Variants in CLIC5 observed in about 807,000 individuals in gnomAD.
CLIC5 encodes CLIC family member 5, also known as chloride intracellular channel protein 5.
A neutral mutation model predicts 24.7 loss-of-function variants in CLIC5; 20 were observed. That is an observed-to-expected ratio of 0.81 (90% confidence interval 0.57 to 1.18). The LOEUF (loss-of-function observed/expected upper bound fraction) is 1.18. CLIC5 is among the 50% of genes most tolerant of loss of function. The pLI is 0.00. For synonymous variants in CLIC5, 159 were observed against 135.6 expected (o/e 1.17, Z -1.20); for missense variants, 341 against 326.1 (o/e 1.05, Z -0.35).
intron 1 of CLIC5, among the ~76,000 whole-genome samples, chr6:46,078,540 T>C (rs1339462198): frequency 2.0e-5 from 3 of 152,152 alleles, no homozygotes; most frequent in Non-Finnish European, 4.4e-5. Context: ...CACTCCTCTG[T>C]TTCATCTCTT....
intron 6 of CLIC5, among the ~76,000 whole-genome samples, chr6:45,888,261 A>G (rs1318178396): frequency 1.3e-5 from 2 of 152,242 alleles, no homozygotes; most frequent in South Asian, 4.1e-4. Flanking sequence ...GGAATTCTCC[A>G]TAGCCATAGG....
rs1036417092 is a variant in CLIC5 at position 45,938,065 on chromosome 6, G to T, written c.406+3482C>A. On this transcript the variant is annotated intron_variant, in intron 4 of 5. Coordinates refer to ENST00000339561, the MANE Select transcript of CLIC5 (RefSeq NM_016929.5). ...CAAGAGAAAGTAAATGAAAATACAAGAGAAACCCTCTAAAGAAAGAAAGTT... is the reference window on the plus strand; with the variant it reads ...CAAGAGAAAGTAAATGAAAATACAATAGAAACCCTCTAAAGAAAGAAAGTT... Among the ~76,000 whole-genome samples, 5 of 152,300 alleles carry T rather than the reference G, an allele frequency of 3.3e-5. No individual in the cohort carries two copies. In the South Asian group the frequency reaches 1.0e-3, roughly 32 times the overall value.
chr6:45,973,081 T>C (rs543691771), intron 1 of CLIC5, among the ~76,000 whole-genome samples: 1 of 152,292 alleles, frequency 6.6e-6, no homozygotes, highest in South Asian at 2.1e-4. Flanking sequence ...AAATTATTTA[T>C]TGAAATTCCA....
Position 45,955,182 on chromosome 6 carries a change from G to A in CLIC5, c.126C>T (p.Leu42=), listed in dbSNP as rs1382508658. Residue 42 remains leucine, a synonymous_variant, in exon 2 of 6, where the codon CTC becomes CTT. Transcript: ENST00000339561. ...CATTGAACACGACTCCTTTCAGCCA[G>A]AGGATCATGAAGAGGCGCTGAGAGA... ...CPFSQRLFMI[L]WLKGVVFNVT... is the part of the protein sequence containing the mutation. The A allele has an allele frequency of 1.2e-6, 2 of 1,614,078 alleles. No homozygotes were observed. Among genetic ancestry groups the A allele is most frequent in the African/African-American group, 1.3e-5 (1 of 75,060 alleles).
In CLIC5 at chr6:45,957,966, G is replaced by T. The variant is rs181171670; in HGVS notation, c.64-2722C>A. ...TTCCAGAGAGATTTTGAGCACTGGGGGCCAGGGACCGGCACAAAAACAGTG... is the reference window on the plus strand; with the variant it reads ...TTCCAGAGAGATTTTGAGCACTGGGTGCCAGGGACCGGCACAAAAACAGTG... On this transcript the variant is annotated intron_variant, in intron 1 of 5. Transcript: ENST00000339561. Among the ~76,000 whole-genome samples the T allele has an allele frequency of 1.4e-4, 21 of 152,154 alleles. No individual in the cohort carries two copies. In the East Asian group the frequency reaches 2.3e-3, roughly 17 times the overall value.
At chr6:45,952,369 G>T (rs1764501903) in intron 2 of CLIC5, among the ~76,000 whole-genome samples, 1 of 152,186 alleles carries the variant, frequency 6.6e-6, no homozygotes, top group Non-Finnish European at 1.5e-5. Flanking sequence ...TTACTGGATT[G>T]CCAGCTCCAT....
intron 1 of CLIC5, among the ~76,000 whole-genome samples, chr6:45,993,410 G>A (rs1766012590): frequency 6.6e-6 from 1 of 152,178 alleles, no homozygotes; most frequent in Non-Finnish European, 1.5e-5. Flanking sequence ...ACTCTCATTT[G>A]CACCTCGAAA....
chr6:45,934,777 G>A (rs1179787704), intron 4 of CLIC5, among the ~76,000 whole-genome samples: 1 of 152,206 alleles, frequency 6.6e-6, no homozygotes, highest in African/African-American at 2.4e-5. Context: ...TATGACACTG[G>A]CACCAAAAAC....
At chr6:45,911,848 G>A in intron 5 of CLIC5, 1 of 985,510 alleles carries the variant, frequency 1.0e-6, no homozygotes, top group Non-Finnish European at 1.2e-6. Context: ...CTGGGCCTTG[G>A]CTGCTGAGCT....
chr6:46,011,491 TG>T (rs1766808658), intron 1 of CLIC5, among the ~76,000 whole-genome samples: 1 of 152,180 alleles, frequency 6.6e-6, no homozygotes, highest in South Asian at 2.1e-4. Context: ...GTAATCGGCT[TG>T]GGGAGCAAAC....
At chr6:46,087,879 C>T in the CLIC5 span, among the ~76,000 whole-genome samples, 1 of 152,132 alleles carries the variant, frequency 6.6e-6, no homozygotes, top group Admixed American at 6.5e-5. Context: ...GCTAAGTGTA[C>T]TAAATAACTA....
At chr6:46,093,186 C>A in the CLIC5 span, among the ~76,000 whole-genome samples, 1 of 152,156 alleles carries the variant, frequency 6.6e-6, no homozygotes. Flanking sequence ...TTGGGTCAGG[C>A]ATCACATTAT....
chr6:46,123,008 AGTAGCTG>A, the CLIC5 span: 2 of 152,278 alleles, frequency 1.3e-5, no homozygotes, highest in South Asian at 2.1e-4. Context: ...AGGTACAAGG[AGTAGCTG>A]GTACCATTCC....
intron 1 of CLIC5, among the ~76,000 whole-genome samples, chr6:46,067,815 T>C (rs568708659): frequency 2.0e-5 from 3 of 152,278 alleles, no homozygotes; most frequent in South Asian, 2.1e-4. Context: ...GGGGGAAATA[T>C]GGATTCTGGA....
At chr6:46,077,367 G>T (rs1251037827) in intron 1 of CLIC5, among the ~76,000 whole-genome samples, 1 of 151,896 alleles carries the variant, frequency 6.6e-6, no homozygotes, top group East Asian at 1.9e-4. Flanking sequence ...CACTAAAACA[G>T]CCCAGGAGAA....
chr6:46,102,319 C>A, the CLIC5 span, among the ~76,000 whole-genome samples: 1 of 152,316 alleles, frequency 6.6e-6, no homozygotes, highest in South Asian at 2.1e-4. Context: ...GCCTGCCTGT[C>A]TAGACTCATC....
At chr6:45,954,405 G>T (rs985870118) in intron 2 of CLIC5, among the ~76,000 whole-genome samples, 1 of 152,122 alleles carries the variant, frequency 6.6e-6, no homozygotes, top group Non-Finnish European at 1.5e-5. Context: ...ACATCCAAGT[G>T]AAACTATCTA....
chr6:45,966,938 G>A (rs1765034496), intron 1 of CLIC5, among the ~76,000 whole-genome samples: 1 of 152,214 alleles, frequency 6.6e-6, no homozygotes, highest in African/African-American at 2.4e-5. Context: ...TCTGCCAGGT[G>A]GGTCTTCCCT....
At chr6:46,020,488 T>A (rs1180972240), upstream of CLIC5, among the ~76,000 whole-genome samples, 2 of 152,072 alleles carry the variant, frequency 1.3e-5, no homozygotes, top group Admixed American at 6.5e-5. Flanking sequence ...TTCTGAAATT[T>A]ATAATCTAGG....
Sources: allele counts gnomAD v4.1 joint callset (sites outside exome capture counted in the v4.1 genomes callset), GRCh38; gene constraint gnomAD v4.1.1; transcripts MANE v1.5; gene names NCBI Gene and HGNC (gene_info 2026-07-23, HGNC 2026-07-21).